The following NOD1 variants were observed in gnomAD, a reference collection of about 807,000 sequenced individuals.
NOD1 encodes nucleotide-binding oligomerization domain-containing protein 1.
NOD1 carries 70 observed loss-of-function variants against 81.2 expected under a neutral mutation model. The ratio of observed to expected loss-of-function variants is 0.86; its 90% CI spans 0.71 to 1.05. The LOEUF (loss-of-function observed/expected upper bound fraction) is 1.05, where lower values mean the gene tolerates loss of function less well. Ranked by LOEUF, NOD1 falls within the 50% of genes least tolerant of loss-of-function variation. The pLI is 0.00. For missense variants in NOD1, 1,233 were observed against 1,228.0 expected, an observed-to-expected ratio of 1.00 and a Z score of -0.06; for synonymous variants, 508 against 526.9, an observed-to-expected ratio of 0.96 and a Z score of 0.49.
chr7:30,452,315 G>T lies in NOD1; in HGVS notation c.1102C>A (p.Arg368=). ...RAYARRMFPE[R]ALQDRLLSQL... ...CTCAGCAGGCGGTCCTGCAGGGCCCGCTCGGGGAACATCCTCCTGGCATAG... is the reference window on the plus strand; with the variant it reads ...CTCAGCAGGCGGTCCTGCAGGGCCCTCTCGGGGAACATCCTCCTGGCATAG... Residue 368 remains arginine (R), a synonymous_variant, in exon 6 of 14, where the codon CGG becomes AGG. Transcript: ENST00000222823. 1 of 1,613,384 alleles carries T rather than the reference G, an allele frequency of 6.2e-7. No individual in the cohort carries two copies. The highest frequency in any genetic ancestry group is 8.5e-7 in the Non-Finnish European group (1 of 1,179,950).
chr7:30,435,868 G>A (rs1418944432), intron 11 of NOD1, 130 bp downstream of exon 11: 1 of 697,228 alleles, frequency 1.4e-6, no homozygotes, highest in Non-Finnish European at 2.5e-6. Flanking sequence ...CAAGGCGGGA[G>A]GTTCGAATGA....
At chr7:30,426,276 CACACCTCCT>C (rs1783446433) in intron 13 of NOD1, among the ~76,000 whole-genome samples, 1 of 151,968 alleles carries the variant, frequency 6.6e-6, no homozygotes, top group African/African-American at 2.4e-5. Flanking sequence ...TCAAAGTAGC[CACACCTCCT>C]AGGGTCCCCT....
Position 30,451,478 on chromosome 7 carries a change from G to A in NOD1, c.1939C>T (p.Gln647Ter), listed in dbSNP as rs1785698478. ...ATCCAGATGAACGTGGGCATGGCCT[G>A]CACCTGGTTGAAGCTTTCGACCTGA... ...RVQVESFNQV[Q>*]AMPTFIWMLR... Residue 647 changes from glutamine (Q) to a stop codon, truncating the protein, a stop_gained, in exon 6 of 14, where the codon CAG becomes TAG. Coordinates refer to ENST00000222823, the MANE Select transcript of NOD1 (RefSeq NM_006092.4). LOFTEE classifies it high-confidence loss of function. The surrounding 1 kb of genome is among the most constrained non-coding windows in gnomAD (Gnocchi z 4.2). The A allele has an allele frequency of 6.2e-7, 1 of 1,613,218 alleles. No individual in the cohort carries two copies. The highest frequency in any genetic ancestry group is 8.5e-7 in the Non-Finnish European group (1 of 1,179,972).
chr7:30,465,179 A>G (rs1787553999), intron 1 of NOD1, among the ~76,000 whole-genome samples: 1 of 152,212 alleles, frequency 6.6e-6, no homozygotes, highest in Admixed American at 6.5e-5. Flanking sequence ...GCTCCCCTGC[A>G]GCCCTCTGTA....
chr7:30,429,546 A>G, intron 12 of NOD1, 89 bp from the exon 13 acceptor site: 3 of 1,141,010 alleles, frequency 2.6e-6, no homozygotes, highest in Non-Finnish European at 4.0e-6. Flanking sequence ...GTTTTGGGAT[A>G]AGAGACAAGT....
rs1470576884 is a variant in NOD1 at position 30,456,855 on chromosome 7, G to C, written c.67C>G (p.Leu23Val). ...ACCAGAAGTTCCCGATTGCTTTTCA[G>C]TAATTGAATGTGGGGGTGAGACTCT... ...PSESHPHIQL[L>V]KSNRELLVTH... is the part of the protein sequence containing the mutation. Residue 23 changes from leucine to valine, a missense_variant, in exon 4 of 14, where the codon CTG (leucine) becomes GTG (valine). Transcript: ENST00000222823. 6.2e-7 allele frequency: 1 copy of C among 1,614,216 alleles called. No homozygotes were observed.
rs1313885772 is a variant in NOD1, at chr7:30,451,298, C to T, written c.2119G>A (p.Ala707Thr). 1 of 1,614,196 alleles carries T rather than the reference C, an allele frequency of 6.2e-7. No individual in the cohort carries two copies. The highest frequency in any genetic ancestry group is 2.2e-5 in the East Asian group (1 of 44,874). The change falls in exon 6 of 14, where the codon GCC (alanine) becomes ACC (threonine). Residue 707 changes from alanine to threonine, a missense_variant. Physicochemically the swap from Ala to Thr is moderately conservative, Grantham distance 58 (BLOSUM62 0). Coordinates refer to ENST00000222823, the MANE Select transcript of NOD1 (RefSeq NM_006092.4). The surrounding 1 kb of genome is among the most constrained non-coding windows in gnomAD (Gnocchi z 4.2). The stretch of plus-strand genomic sequence containing the variant: ...AGATTGTTGTTGTCTAGGTCTAGGG[C>T]CAGCCGCTTGGGGAAGTGATGCAGG... ...FVLHHFPKRL[A>T]LDLDNNNLND... is the part of the protein sequence containing the mutation.
chr7:30,425,507 A>G lies in NOD1; in HGVS notation c.*131T>C, dbSNP rs138669564. 3.0e-3 allele frequency: 2,117 copies of G among 705,094 alleles called. 7 individuals are homozygous for G. Among genetic ancestry groups the G allele is most frequent in the Admixed American group, 4.6e-3 (207 of 45,156 alleles). 43.7% of individuals were successfully genotyped at this position (705,094 alleles called of 1,614,324 possible). A position where few individuals can be genotyped will look rare whatever the true frequency, so the allele number is the denominator to read the frequency against. Reference sequence around the variant, plus strand: ...TCTGCACAGGAAGCTGGCTTGCATCATGGAGGCAGTGGACTCCTGATAGTC... The same window carrying G: ...TCTGCACAGGAAGCTGGCTTGCATCGTGGAGGCAGTGGACTCCTGATAGTC... On this transcript the variant is annotated 3_prime_UTR_variant, in exon 14 of 14. Transcript: ENST00000222823.
chr7:30,437,806 C>A, intron 9 of NOD1, 150 bp from the exon 10 acceptor site: 2 of 571,000 alleles, frequency 3.5e-6, no homozygotes, highest in Admixed American at 4.2e-5. Flanking sequence ...ACACTAATTC[C>A]TCACACTGGT....
rs1332096059 is a variant in NOD1 at position 30,452,399 on chromosome 7, G to A, written c.1018C>T (p.Arg340Cys). The A allele has an allele frequency of 3.1e-6, 5 of 1,613,350 alleles. No homozygotes were observed. Among genetic ancestry groups the A allele is most frequent in the Admixed American group, 1.7e-5 (1 of 60,024 alleles). Reference protein sequence around the residue: ...LTARTGIEVPRQFLRKKVLLR... With the variant: ...LTARTGIEVPCQFLRKKVLLR... ...AGCACCTTCTTCCGCAGGAACTGGC[G>A]CGGGACCTCGATGCCTGTGCGGGCT... Residue 340 changes from arginine to cysteine, a missense_variant, in exon 6 of 14, where the codon CGC (arginine) becomes TGC (cysteine). Transcript: ENST00000222823.
chr7:30,438,328 C>T (rs1784565166), intron 9 of NOD1, among the ~76,000 whole-genome samples: 1 of 152,220 alleles, frequency 6.6e-6, no homozygotes, highest in African/African-American at 2.4e-5. Context: ...CCGGCTCTGC[C>T]ATCTGCTACC....
chr7:30,436,913 A>C (rs1422287451), intron 10 of NOD1, among the ~76,000 whole-genome samples: 1 of 152,248 alleles, frequency 6.6e-6, no homozygotes, highest in African/African-American at 2.4e-5. Flanking sequence ...TGCTATAAAG[A>C]CACAAGCACA....
In NOD1 at chr7:30,424,808, C is replaced by CTAT. The variant is rs1280273206; in HGVS notation, c.*827_*829dup. 5.3e-5 allele frequency: 8 copies of CTAT among 152,272 alleles called. No homozygotes were observed. The highest frequency in any genetic ancestry group is 1.9e-4 in the African/African-American group (8 of 41,446). 9.4% of individuals were successfully genotyped at this position (152,272 alleles called of 1,614,324 possible). ...CAGGGCCACAGGGGCAAGCCATGCC[C>CTAT]TATTTCTTTGGAGGGACAGAATCAC... On this transcript the variant is annotated 3_prime_UTR_variant, in exon 14 of 14. Coordinates refer to ENST00000222823, the MANE Select transcript of NOD1 (RefSeq NM_006092.4).
rs182489613 is a variant in NOD1, at chr7:30,453,991, G to A, written c.377-951C>T. On this transcript the variant is annotated intron_variant, in intron 5 of 13. Coordinates refer to ENST00000222823, the MANE Select transcript of NOD1 (RefSeq NM_006092.4). ...AACGGAACCAACAGAGAAGTCTTTC[G>A]AAAGAATGATTCCTCATGGGAATAC... is the stretch of plus-strand genomic sequence containing the variant. Among the ~76,000 whole-genome samples, 29 of 152,334 alleles carry A rather than the reference G, an allele frequency of 1.9e-4. No homozygotes were observed. In the East Asian group the frequency reaches 3.9e-3, roughly 20 times the overall value.
At chr7:30,433,855 A>G (rs1478573360) in intron 11 of NOD1, among the ~76,000 whole-genome samples, 4 of 152,216 alleles carry the variant, frequency 2.6e-5, no homozygotes. Flanking sequence ...GTGCCTGCCC[A>G]AATTTTTAAT....
intron 3 of NOD1, among the ~76,000 whole-genome samples, chr7:30,458,496 C>T (rs1214184093): frequency 6.6e-6 from 1 of 152,080 alleles, no homozygotes; most frequent in Non-Finnish European, 1.5e-5. Flanking sequence ...AATTTTTTTT[C>T]CACCAAGTGG....
At chr7:30,460,736 G>A (rs746194651) in intron 1 of NOD1, 12 of 957,392 alleles carry the variant, frequency 1.3e-5, no homozygotes, top group Non-Finnish European at 1.5e-5. Flanking sequence ...GAAGGGAGCT[G>A]GGGGTTGCAC....
intron 6 of NOD1, among the ~76,000 whole-genome samples, chr7:30,450,660 A>G (rs1393109762): frequency 6.6e-6 from 1 of 152,226 alleles, no homozygotes; most frequent in Non-Finnish European, 1.5e-5. Flanking sequence ...CTTTCTCTGC[A>G]GTAATAAAAG....
rs778560787 is a variant in NOD1, at chr7:30,446,144, A to G, written c.2450T>C (p.Val817Ala). The change falls in exon 9 of 14, where the codon GTT becomes GCT. Residue 817 changes from valine to alanine, a missense_variant. By Grantham distance (64) the Val-to-Ala change is moderately conservative. Transcript: ENST00000222823. ...AVKNSKSISE[V>A]GMWGNQVGDE... is the part of the protein sequence containing the mutation. ...ACATCCATCCCCTTCTACTCACCCA[A>G]CCTCAGAGATTGATTTGCTGTTCTT... is the stretch of plus-strand genomic sequence containing the variant. 1.2e-5 allele frequency: 20 copies of G among 1,612,708 alleles called. No homozygotes were observed. The African/African-American group carries it at 1.3e-4, about 11-fold the overall frequency.
Sources: allele counts gnomAD v4.1 joint callset (sites outside exome capture counted in the v4.1 genomes callset), GRCh38; gene constraint gnomAD v4.1.1; non-coding constraint Gnocchi (gnomAD v3.1); transcripts MANE v1.5; gene names NCBI Gene and HGNC (gene_info 2026-07-23, HGNC 2026-07-21).